RSRC2: variants seen among roughly 807,000 people sequenced by gnomAD.
RSRC2 encodes arginine/serine-rich coiled-coil protein 2.
RSRC2 carries 5 observed loss-of-function variants against 61.3 expected under a neutral mutation model. That is an observed-to-expected ratio of 0.08 (90% confidence interval 0.04 to 0.17). The LOEUF (loss-of-function observed/expected upper bound fraction) is 0.17, where lower values mean the gene tolerates loss of function less well. Among genes scored for constraint, RSRC2 ranks in the 10% least tolerant of loss-of-function variants. The pLI is 1.00. For synonymous variants in RSRC2, 202 were observed against 166.5 expected (o/e 1.21, Z -1.64); for missense variants, 381 against 518.8 (o/e 0.73, Z 2.58).
chr12:122,526,774 C>T, intron 1 of RSRC2, 74 bp downstream of exon 1: 5 of 1,554,638 alleles, frequency 3.2e-6, no homozygotes, highest in Non-Finnish European at 4.4e-6. Context: ...GAACAAGGTT[C>T]TGGGAGCCGT....
intron 5 of RSRC2, among the ~76,000 whole-genome samples, chr12:122,515,518 C>A (rs1269216978): frequency 1.3e-5 from 2 of 152,150 alleles, no homozygotes; most frequent in Admixed American, 1.3e-4. Flanking sequence ...TGCCCCACCG[C>A]ATCTGGCTGT....
At chr12:122,522,390 C>A in intron 1 of RSRC2, 91 bp from the exon 2 acceptor site, 1 of 1,200,106 alleles carries the variant, frequency 8.3e-7, no homozygotes, top group East Asian at 2.6e-5. Context: ...GGGAAGATAG[C>A]CCCCCACAAT....
At chr12:122,519,074 AAG>A (rs1959132897) in intron 3 of RSRC2, 45 bp from the exon 4 acceptor site, 9 of 1,547,262 alleles carry the variant, frequency 5.8e-6, no homozygotes, top group African/African-American at 1.4e-5. Flanking sequence ...TAGTGCAACA[AAG>A]AGAGTTAGTA....
chr12:122,515,181 A>G lies in RSRC2; in HGVS notation c.649T>C (p.Leu217=). 1 of 1,614,130 alleles carries G rather than the reference A, an allele frequency of 6.2e-7. No individual in the cohort carries two copies. Among genetic ancestry groups the G allele is most frequent in the South Asian group, 1.1e-5 (1 of 91,078 alleles). The change falls in exon 6 of 10, where the codon TTA becomes CTA. Residue 217 remains leucine, a synonymous_variant. Coordinates refer to ENST00000331738, the MANE Select transcript of RSRC2 (RefSeq NM_023012.6). ...GGAGGTGGACTTGGAGTCCGGCTTA[A>G]ACTTCTGCTAAATCTTCTCGGCTTT... ...IEKPRRFSRS[L]SRTPSPPPFR...
chr12:122,514,945 G>T, intron 6 of RSRC2, 160 bp downstream of exon 6: 2 of 806,954 alleles, frequency 2.5e-6, no homozygotes, highest in Non-Finnish European at 3.8e-6. Flanking sequence ...AAATGTTTAG[G>T]ATGAGAATTA....
Position 122,521,499 on chromosome 12 carries a change from A to C in RSRC2, c.164-71T>G. On this transcript the variant is annotated intron_variant, in intron 2 of 9. Coordinates refer to ENST00000331738, the MANE Select transcript of RSRC2 (RefSeq NM_023012.6). ...AACATTTCATCTTAAAAAACTCTTA[A>C]TGCTGGAGAAAAATGACTCCCATTA... 7 of 1,358,200 alleles carry C rather than the reference A, an allele frequency of 5.2e-6. No homozygotes were observed. In the South Asian group the frequency reaches 8.2e-5, roughly 16 times the overall value. 84.1% of individuals were successfully genotyped at this position (1,358,200 alleles called of 1,614,324 possible). A position where few individuals can be genotyped will look rare whatever the true frequency, so the allele number is the denominator to read the frequency against.
At chr12:122,509,878 A>T (rs1198926766) in intron 7 of RSRC2, among the ~76,000 whole-genome samples, 2 of 152,048 alleles carry the variant, frequency 1.3e-5, no homozygotes, top group Admixed American at 6.6e-5. Context: ...TCACTCTGTC[A>T]CCCAGGCTAG....
At chr12:122,506,689 T>C (rs543704404) in intron 9 of RSRC2, 145 bp downstream of exon 9, 2 of 643,954 alleles carry the variant, frequency 3.1e-6, no homozygotes, top group South Asian at 1.9e-5. Context: ...CAGAATGGGA[T>C]TGCTTGTTAT....
chr12:122,526,683 T>TTC (rs1452365346), intron 1 of RSRC2, among the ~76,000 whole-genome samples, 165 bp downstream of exon 1: 2 of 150,152 alleles, frequency 1.3e-5, no homozygotes, highest in African/African-American at 4.9e-5. Flanking sequence ...ACCGCCTTAC[T>TTC]TCCCCCTCCC....
In RSRC2 at chr12:122,522,217, G is replaced by T. The variant is rs1959313032; in HGVS notation, c.89C>A (p.Ser30Tyr). The change falls in exon 2 of 10, where the codon TCT (serine) becomes TAT (tyrosine). Residue 30 changes from serine (S) to tyrosine (Y), a missense_variant. Around this residue, in one of 4 missense-constraint regions of RSRC2, gnomAD observed 266 missense variants for 270.5 expected, o/e 0.98. Transcript: ENST00000331738. ...ATGTTTTGAAGCTCTAGGAGAAACA[G>T]ATACTTCTGACTGCTCTTTTTTCTT... ...RDKKKEQSEV[S>Y]VSPRASKHHY... The T allele has an allele frequency of 6.2e-7, 1 of 1,614,102 alleles. No individual in the cohort carries two copies. Among genetic ancestry groups the T allele is most frequent in the African/African-American group, 1.3e-5 (1 of 75,054 alleles).
At position 122,522,080 on chromosome 12, in the gene RSRC2, T is replaced by C. The variant is rs1959282324; in HGVS notation, c.163+63A>G. ...CAAACTAAATGTATGTGTCTTCTTA[T>C]ACAACAGGTCTACATATCTTATACA... is the stretch of plus-strand genomic sequence containing the variant. On this transcript the variant is annotated intron_variant, in intron 2 of 9. Coordinates refer to ENST00000331738, the MANE Select transcript of RSRC2 (RefSeq NM_023012.6). 4.7e-6 allele frequency: 7 copies of C among 1,477,532 alleles called. No individual in the cohort carries two copies. In the South Asian group the frequency reaches 5.3e-5, roughly 11 times the overall value. 91.5% of individuals were successfully genotyped at this position (1,477,532 alleles called of 1,614,324 possible). A position where few individuals can be genotyped will look rare whatever the true frequency, so the allele number is the denominator to read the frequency against.
chr12:122,514,533 C>T (rs7297866), intron 6 of RSRC2: 520,310 of 933,842 alleles, frequency 0.56, 146,742 homozygotes, highest in African/African-American at 0.76. Context: ...CCCAAAATGC[C>T]GGGATTACAG....
At chr12:122,516,940 G>A (rs532520548) in intron 5 of RSRC2, among the ~76,000 whole-genome samples, 1 of 152,058 alleles carries the variant, frequency 6.6e-6, no homozygotes, top group African/African-American at 2.4e-5. Context: ...AAATCTGCTC[G>A]CCTCGTTGTG....
Position 122,526,919 on chromosome 12 carries a change from G to A in RSRC2, c.-66C>T, listed in dbSNP as rs993620663. ...CGCTTTCAACAGTACCGGCCGCTCC[G>A]AAGCTTCGCCTCAGACTAAATCGCT... On this transcript the variant is annotated 5_prime_UTR_variant, in exon 1 of 10. Coordinates refer to ENST00000331738, the MANE Select transcript of RSRC2 (RefSeq NM_023012.6). 4.4e-6 allele frequency: 7 copies of A among 1,596,924 alleles called. No individual in the cohort carries two copies. The highest frequency in any genetic ancestry group is 2.7e-5 in the African/African-American group (2 of 74,524).
chr12:122,523,890 A>G (rs537993926), intron 1 of RSRC2: 1 of 152,226 alleles, frequency 6.6e-6, no homozygotes, highest in Admixed American at 6.5e-5. Context: ...GATAAATTAA[A>G]AACAGAAAGG....
Position 122,505,627 on chromosome 12 carries a change from T to C in RSRC2, c.1205A>G (p.Asn402Ser). ...TGCCATTTCATACTGAGCATCTAAA[T>C]TTCGAAATACTTCTTCCTGCTGCTT... ...TLKQQEEVFR[N>S]LDAQYEMARS... The change falls in exon 10 of 10, where the codon AAT becomes AGT. Residue 402 changes from asparagine to serine, a missense_variant. Asn to Ser is a conservative substitution (Grantham distance 46, BLOSUM62 1). Transcript: ENST00000331738. 6.2e-7 allele frequency: 1 copy of C among 1,614,162 alleles called. No homozygotes were observed. Among genetic ancestry groups the C allele is most frequent in the Non-Finnish European group, 8.5e-7 (1 of 1,179,998 alleles).
chr12:122,517,529 A>T lies in RSRC2; in HGVS notation c.399-99T>A, dbSNP rs756637555. 2.0e-4 allele frequency: 270 copies of T among 1,363,868 alleles called. 1 individual carries two copies. The highest frequency in any genetic ancestry group is 2.6e-4 in the Non-Finnish European group (255 of 977,964). The allele number at this position is 1,363,868 out of a possible 1,614,324, so 84.5% of individuals were successfully genotyped here. On this transcript the variant is annotated intron_variant, in intron 4 of 9. Transcript: ENST00000331738. ...TACTTGTAGTAACGCAATAAAGACAAGCAAGTAACTGCACTATATTATTTA... is the reference window on the plus strand; with the variant it reads ...TACTTGTAGTAACGCAATAAAGACATGCAAGTAACTGCACTATATTATTTA...
intron 6 of RSRC2, 32 bp from the exon 7 acceptor site, chr12:122,511,220 A>T: frequency 3.3e-6 from 5 of 1,494,140 alleles, no homozygotes; most frequent in Non-Finnish European, 4.6e-6. Context: ...ATTTAAAATA[A>T]CACAATATAA....
intron 1 of RSRC2, among the ~76,000 whole-genome samples, chr12:122,525,479 T>G (rs1168890004): frequency 6.6e-6 from 1 of 151,870 alleles, no homozygotes; most frequent in Non-Finnish European, 1.5e-5. Flanking sequence ...AAGAAACGGG[T>G]TTAAACTCAA....
Sources: gnomAD v4.1 joint callset for allele counts (sites outside exome capture counted in the v4.1 genomes callset) on GRCh38, gnomAD v4.1.1 for gene constraint, gnomAD v4.1.1 regional missense constraint, MANE v1.5 for transcripts, NCBI Gene and HGNC (gene_info 2026-07-23, HGNC 2026-07-21) for gene names.